The following PCDH15 variants were observed in gnomAD, a reference collection of about 807,000 sequenced individuals.
The protein encoded by PCDH15 is protocadherin-15.
Under a neutral mutation model 178.5 loss-of-function variants are expected in PCDH15, and 129 were observed. That is an observed-to-expected ratio of 0.72 (90% confidence interval 0.63 to 0.84). The LOEUF is 0.84. PCDH15 is among the 40% of genes least tolerant of loss of function. The pLI, the probability that PCDH15 is intolerant of heterozygous loss-of-function variation, is 0.00. For synonymous variants in PCDH15, 800 were observed against 732.0 expected (o/e 1.09, Z -1.50); for missense variants, 2,230 against 2,099.9 (o/e 1.06, Z -1.21).
intron 21 of PCDH15, among the ~76,000 whole-genome samples, chr10:53,990,950 C>T (rs2091432246): frequency 6.6e-6 from 1 of 152,148 alleles, no homozygotes; most frequent in Non-Finnish European, 1.5e-5. Context: ...GGGTTTAGCA[C>T]CCGGGCCGGC....
intron 2 of PCDH15, among the ~76,000 whole-genome samples, chr10:55,478,937 TAAA>T (rs36113145): frequency 8.7e-5 from 12 of 137,512 alleles, no homozygotes; most frequent in Admixed American, 3.6e-4. Flanking sequence ...ATCACAAAGA[TAAA>T]AAAAAAAAAA....
At chr10:54,350,029 C>A (rs1247936726) in intron 5 of PCDH15, among the ~76,000 whole-genome samples, 1 of 151,738 alleles carries the variant, frequency 6.6e-6, no homozygotes, top group Non-Finnish European at 1.5e-5. Context: ...AAAAGAGAAA[C>A]AATTGTATTA....
intron 2 of PCDH15, among the ~76,000 whole-genome samples, chr10:55,111,631 G>A (rs1411686233): frequency 6.6e-6 from 1 of 152,136 alleles, no homozygotes; most frequent in Non-Finnish European, 1.5e-5. Flanking sequence ...ATCACCTGAG[G>A]TGGGGAGTTC....
chr10:54,041,418 C>G (rs1010604242), intron 18 of PCDH15, among the ~76,000 whole-genome samples: 4 of 152,008 alleles, frequency 2.6e-5, no homozygotes, highest in African/African-American at 9.7e-5. Flanking sequence ...AGGGCTGGGG[C>G]TCTAACTAAG....
chr10:55,301,397 C>T (rs1843275014), intron 1 of PCDH15, among the ~76,000 whole-genome samples: 2 of 151,804 alleles, frequency 1.3e-5, no homozygotes, highest in Non-Finnish European at 2.9e-5. Context: ...TTGCTTATGA[C>T]TTCTTTGGCA....
chr10:53,876,185 TTTTTG>T (rs1185096758), intron 26 of PCDH15, among the ~76,000 whole-genome samples: 3 of 56,942 alleles, frequency 5.3e-5, no homozygotes, highest in Admixed American at 2.4e-4. Context: ...CTTGTTTTTT[TTTTTG>T]TTTTTTTGTT....
chr10:55,350,968 C>T (rs1334431610), intron 2 of PCDH15, among the ~76,000 whole-genome samples: 2 of 143,458 alleles, frequency 1.4e-5, no homozygotes, highest in African/African-American at 2.7e-5. Flanking sequence ...CTTCTTCTTC[C>T]TCTTCCTCTT....
upstream of PCDH15, among the ~76,000 whole-genome samples, chr10:54,804,927 T>TTATATATATATA (rs71014419): frequency 4.8e-3 from 244 of 50,828 alleles, 37 homozygotes; most frequent in South Asian, 0.015. Flanking sequence ...TCATAGTAGA[T>TTATATATATATA]TATATATATA....
intron 15 of PCDH15, among the ~76,000 whole-genome samples, chr10:54,127,519 T>C (rs2042083349): frequency 6.6e-6 from 1 of 152,198 alleles, no homozygotes; most frequent in Admixed American, 6.6e-5. Flanking sequence ...TTGAGAATAA[T>C]ATACTTTATA....
intron 3 of PCDH15, among the ~76,000 whole-genome samples, chr10:54,499,482 A>C (rs931431607): frequency 6.6e-6 from 1 of 152,212 alleles, no homozygotes; most frequent in Non-Finnish European, 1.5e-5. Context: ...CTCTCAGACA[A>C]TAGTGCAACA....
At chr10:55,310,620 A>G (rs1843562061) in intron 1 of PCDH15, among the ~76,000 whole-genome samples, 1 of 152,186 alleles carries the variant, frequency 6.6e-6, no homozygotes, top group African/African-American at 2.4e-5. Flanking sequence ...TAGCTTACAT[A>G]ATTCTATTTA....
intron 14 of PCDH15, among the ~76,000 whole-genome samples, chr10:54,144,785 C>T (rs1329627314): frequency 6.6e-6 from 1 of 151,840 alleles, no homozygotes; most frequent in Non-Finnish European, 1.5e-5. Flanking sequence ...TCTCATTTTA[C>T]AAAAGAGGAT....
At chr10:53,905,557 G>C (rs1193395110) in intron 25 of PCDH15, among the ~76,000 whole-genome samples, 1 of 151,844 alleles carries the variant, frequency 6.6e-6, no homozygotes, top group Non-Finnish European at 1.5e-5. Context: ...GGCTTGTCTC[G>C]AACTCCTGAC....
chr10:55,480,680 C>T (rs1191984764), intron 2 of PCDH15, among the ~76,000 whole-genome samples: 1 of 151,860 alleles, frequency 6.6e-6, no homozygotes, highest in African/African-American at 2.4e-5. Flanking sequence ...TGGGATGAAG[C>T]CTATTTAATC....
At chr10:55,229,293 T>A (rs925605364) in intron 1 of PCDH15, among the ~76,000 whole-genome samples, 1 of 151,696 alleles carries the variant, frequency 6.6e-6, no homozygotes, top group South Asian at 2.2e-4. Flanking sequence ...CCATAAATGA[T>A]ATATATCCCC....
chr10:54,351,986 G>T (rs1311060137), intron 5 of PCDH15, among the ~76,000 whole-genome samples: 2 of 152,066 alleles, frequency 1.3e-5, no homozygotes, highest in Non-Finnish European at 2.9e-5. Flanking sequence ...AAGGATATGT[G>T]GTAGAAAGTC....
intron 2 of PCDH15, among the ~76,000 whole-genome samples, chr10:55,593,794 G>A (rs1223222483): frequency 6.6e-6 from 1 of 151,604 alleles, no homozygotes; most frequent in Admixed American, 6.6e-5. Context: ...ACTTTTCTAG[G>A]GATCCCTCAT....
chr10:53,982,660 G>C (rs2090753748), intron 21 of PCDH15, among the ~76,000 whole-genome samples: 1 of 134,136 alleles, frequency 7.5e-6, no homozygotes, highest in Non-Finnish European at 1.6e-5. Context: ...TCACACTCTG[G>C]GGACTGTTGT....
In PCDH15 at chr10:53,822,614, C is replaced by T. The variant is rs982138826; in HGVS notation, c.4368-2384G>A. 4 of 1,613,814 alleles carry T rather than the reference C, an allele frequency of 2.5e-6. No homozygotes were observed. In the African/African-American group the frequency reaches 5.3e-5, roughly 22 times the overall value. ...AGAGTGAAGAATGTAAAACACAAGG[C>T]CTTGAAGGAGAAAGTTCCAAGGAAC... On this transcript the variant is annotated intron_variant, in intron 32 of 37. Coordinates refer to ENST00000644397, the MANE Select transcript of PCDH15 (RefSeq NM_001384140.1).
Sources: gnomAD v4.1 joint callset for allele counts (sites outside exome capture counted in the v4.1 genomes callset) on GRCh38, gnomAD v4.1.1 for gene constraint, MANE v1.5 for transcripts, NCBI Gene and HGNC (gene_info 2026-07-23, HGNC 2026-07-21) for gene names.